The following FAXC variants were observed in gnomAD, a reference collection of about 807,000 sequenced individuals.
FAXC encodes the protein failed axon connections homolog.
A neutral mutation model predicts 41.9 loss-of-function variants in FAXC; 10 were observed. That is an observed-to-expected ratio of 0.24 (90% CI 0.15 to 0.41). The LOEUF (loss-of-function observed/expected upper bound fraction) is 0.41. FAXC is among the 10% of genes least tolerant of loss of function. FAXC has a pLI of 1.00. For synonymous variants in FAXC, 183 were observed against 183.8 expected, an observed-to-expected ratio of 1.00 and a Z score of 0.03; for missense variants, 399 against 510.9, an observed-to-expected ratio of 0.78 and a Z score of 2.11.
Position 99,329,125 on chromosome 6 carries a change from G to T in FAXC, c.599+4226C>A, listed in dbSNP as rs188388343. 6.4e-3 allele frequency among the ~76,000 whole-genome samples: 976 copies of T among 152,292 alleles called. 5 individuals carry two copies. The highest frequency in any genetic ancestry group is 0.011 in the Non-Finnish European group (752 of 68,022). ...TCATTAACTGAAGAGGACAGAGAGG[G>T]TCAATTTGGAAAGCTGACAAGGCTA... On this transcript the variant is annotated intron_variant, in intron 3 of 5. Coordinates refer to ENST00000389677, the MANE Select transcript of FAXC (RefSeq NM_032511.4).
intron 4 of FAXC, among the ~76,000 whole-genome samples, 153 bp from the exon 5 acceptor site, chr6:99,291,973 A>C (rs1771265485): frequency 6.6e-6 from 1 of 152,200 alleles, no homozygotes; most frequent in African/African-American, 2.4e-5. Context: ...CTTAAAAAAA[A>C]ATAGAACAAA....
rs763774059 is a variant in FAXC at position 99,329,672 on chromosome 6, AAGG to A, written c.599+3676_599+3678del. Among the ~76,000 whole-genome samples the A allele has an allele frequency of 2.1e-4, 32 of 152,218 alleles. No individual in the cohort carries two copies. The East Asian group carries it at 4.8e-3, about 23-fold the overall frequency. Reference sequence around the variant, plus strand: ...ACTGGGGTGGGGAGAAAAGAAAGAAAAGGAGAACATATGAACAAAGTTATAAAC... The same window carrying A: ...ACTGGGGTGGGGAGAAAAGAAAGAAAAGAACATATGAACAAAGTTATAAAC... On this transcript the variant is annotated intron_variant, in intron 3 of 5. Coordinates refer to ENST00000389677, the MANE Select transcript of FAXC (RefSeq NM_032511.4).
chr6:99,341,343 T>C (rs954038497), intron 2 of FAXC, among the ~76,000 whole-genome samples: 1 of 151,888 alleles, frequency 6.6e-6, no homozygotes, highest in Non-Finnish European at 1.5e-5. Flanking sequence ...TAAAAGACTC[T>C]CCAATTAGAT....
At chr6:99,293,748 T>C (rs1771352580) in intron 4 of FAXC, among the ~76,000 whole-genome samples, 1 of 150,830 alleles carries the variant, frequency 6.6e-6, no homozygotes, top group South Asian at 2.1e-4. Context: ...ATTTTATCTT[T>C]CCAGCTAAAT....
Position 99,274,081 on chromosome 6 carries a change from A to C in FAXC, c.*7083T>G, listed in dbSNP as rs768569849. ...ACAATTTTATATTTATAAAATGAAA[A>C]ATATATGCCACAAACACTCTTGAGA... On this transcript the variant is annotated 3_prime_UTR_variant, in exon 6 of 6. Transcript: ENST00000389677. 1 of 152,168 alleles carries C rather than the reference A, an allele frequency of 6.6e-6. No individual in the cohort carries two copies. Among genetic ancestry groups the C allele is most frequent in the African/African-American group, 2.4e-5 (1 of 41,430 alleles). The allele number at this position is 152,168 out of a possible 1,614,324, so 9.4% of individuals were successfully genotyped here.
At chr6:99,286,274 T>G (rs956529192) in intron 5 of FAXC, among the ~76,000 whole-genome samples, 1 of 152,198 alleles carries the variant, frequency 6.6e-6, no homozygotes, top group Non-Finnish European at 1.5e-5. Context: ...CCTTGTCTCC[T>G]CGAAGCTAAA....
intron 5 of FAXC, among the ~76,000 whole-genome samples, chr6:99,283,822 C>A (rs1379612417): frequency 6.6e-6 from 1 of 152,160 alleles, no homozygotes; most frequent in Non-Finnish European, 1.5e-5. Flanking sequence ...ACAGTAGGAC[C>A]TGGGGACAGC....
intron 3 of FAXC, among the ~76,000 whole-genome samples, chr6:99,325,452 T>A (rs1772764595): frequency 6.6e-6 from 1 of 152,216 alleles, no homozygotes; most frequent in African/African-American, 2.4e-5. Context: ...GGTAAGTCTC[T>A]CAAAATAAAG....
At chr6:99,311,612 T>C (rs1772162110) in intron 4 of FAXC, among the ~76,000 whole-genome samples, 1 of 152,042 alleles carries the variant, frequency 6.6e-6, no homozygotes, top group Non-Finnish European at 1.5e-5. Context: ...CATACATAAA[T>C]AAAATCATGA....
intron 4 of FAXC, among the ~76,000 whole-genome samples, chr6:99,319,517 A>G (rs1365394390): frequency 6.6e-6 from 1 of 151,544 alleles, no homozygotes; most frequent in African/African-American, 2.4e-5. Flanking sequence ...CTGTTTGATT[A>G]CTTCTACATG....
intron 3 of FAXC, among the ~76,000 whole-genome samples, chr6:99,328,688 T>C (rs1772917481): frequency 6.6e-6 from 1 of 152,174 alleles, no homozygotes; most frequent in East Asian, 1.9e-4. Flanking sequence ...GATTCCGTTT[T>C]GACAATACCT....
intron 5 of FAXC, among the ~76,000 whole-genome samples, chr6:99,283,585 C>A (rs1770911757): frequency 6.6e-6 from 1 of 152,120 alleles, no homozygotes; most frequent in Non-Finnish European, 1.5e-5. Context: ...TGCTCAGGAG[C>A]CAGAAACTGA....
intron 5 of FAXC, 46 bp from the exon 6 acceptor site, chr6:99,281,499 G>A (rs1164884896): frequency 7.0e-7 from 1 of 1,428,734 alleles, no homozygotes; most frequent in African/African-American, 1.4e-5. Context: ...AAAGGCAGCA[G>A]TCTACCACTT....
At chr6:99,316,790 C>T (rs1772373644) in intron 4 of FAXC, among the ~76,000 whole-genome samples, 1 of 152,194 alleles carries the variant, frequency 6.6e-6, no homozygotes, top group Admixed American at 6.5e-5. Flanking sequence ...TAAGTGATCA[C>T]CCAAATAGCT....
chr6:99,339,806 G>A (rs1013531929), intron 2 of FAXC, among the ~76,000 whole-genome samples: 1 of 151,844 alleles, frequency 6.6e-6, no homozygotes, highest in African/African-American at 2.4e-5. Context: ...AGAGAGTAGA[G>A]AGACATAGAA....
At chr6:99,347,264 C>T (rs1458239707) in intron 1 of FAXC, among the ~76,000 whole-genome samples, 6 of 151,960 alleles carry the variant, frequency 3.9e-5, no homozygotes, top group South Asian at 2.1e-4. Context: ...TATCCAGACG[C>T]GGTGGTGCAC....
In FAXC at chr6:99,277,192, T is replaced by C. The variant is rs1582602962; in HGVS notation, c.*3972A>G. ...CCATGGAGGAGCTATGGAGACAAGG[T>C]GAACAAAGGTGAAAACACCAGACCC... On this transcript the variant is annotated 3_prime_UTR_variant, in exon 6 of 6. Transcript: ENST00000389677. 6.6e-6 allele frequency: 1 copy of C among 152,228 alleles called. No homozygotes were observed. The highest frequency in any genetic ancestry group is 1.5e-5 in the Non-Finnish European group (1 of 68,066). 9.4% of individuals were successfully genotyped at this position (152,228 alleles called of 1,614,324 possible).
rs1471123560 is a variant in FAXC, at chr6:99,280,496, G to A, written c.*668C>T. 6.6e-6 allele frequency: 1 copy of A among 152,480 alleles called. No homozygotes were observed. The highest frequency in any genetic ancestry group is 6.5e-5 in the Admixed American group (1 of 15,300). The allele number at this position is 152,480 out of a possible 1,614,324, so 9.4% of individuals were successfully genotyped here. ...ATCCCCACAACACCCCTGTGAGGTA[G>A]GTAGGTGGAGAGTATTGTCATCCCC... is the stretch of plus-strand genomic sequence containing the variant. On this transcript the variant is annotated 3_prime_UTR_variant, in exon 6 of 6. Transcript: ENST00000389677.
rs1770464401 is a variant in FAXC, at chr6:99,272,899, AAGAC to A, written c.*8261_*8264del. On this transcript the variant is annotated 3_prime_UTR_variant, in exon 6 of 6. Transcript: ENST00000389677. ...TGCAAAAGAGAAGTAAATTGGAAGA[AAGAC>A]ATTCACAGAAAACTATTTCATATCC... The A allele has an allele frequency of 6.6e-6, 1 of 152,234 alleles. No individual in the cohort carries two copies. Among genetic ancestry groups the A allele is most frequent in the African/African-American group, 2.4e-5 (1 of 41,458 alleles). The allele number at this position is 152,234 out of a possible 1,614,324, so 9.4% of individuals were successfully genotyped here.
Sources: gnomAD v4.1 joint callset for allele counts (sites outside exome capture counted in the v4.1 genomes callset) on GRCh38, gnomAD v4.1.1 for gene constraint, MANE v1.5 for transcripts, NCBI Gene and HGNC (gene_info 2026-07-23, HGNC 2026-07-21) for gene names.